Variants in SRBD1 observed in about 807,000 individuals in gnomAD.
SRBD1 encodes S1 RNA binding domain 1.
Under a neutral mutation model 115.3 loss-of-function variants are expected in SRBD1, and 88 were observed. The observed-to-expected ratio is 0.76, with a 90% CI of 0.64 to 0.91. SRBD1 has a LOEUF of 0.91. SRBD1 is among the 40% of genes least tolerant of loss of function. SRBD1 has a pLI of 0.00. For synonymous variants in SRBD1, 509 were observed against 407.7 expected (o/e 1.25, Z -2.99); for missense variants, 1,385 against 1,177.4 (o/e 1.18, Z -2.58).
At chr2:45,580,778 C>T (rs1572802808) in intron 6 of SRBD1, among the ~76,000 whole-genome samples, 8 of 149,822 alleles carry the variant, frequency 5.3e-5, no homozygotes, top group Admixed American at 3.3e-4. Context: ...CTCCTACTCC[C>T]GGGTTCAAGC....
intron 18 of SRBD1, among the ~76,000 whole-genome samples, chr2:45,417,759 G>T (rs775858127): frequency 6.6e-6 from 1 of 152,210 alleles, no homozygotes; most frequent in Non-Finnish European, 1.5e-5. Flanking sequence ...AGTGAGGAGG[G>T]AGTGGGGAAA....
intron 14 of SRBD1, among the ~76,000 whole-genome samples, chr2:45,515,616 T>C (rs1671095657): frequency 6.6e-6 from 1 of 152,120 alleles, no homozygotes; most frequent in Non-Finnish European, 1.5e-5. Flanking sequence ...CTTGGCACTA[T>C]ATTACCTCCT....
chr2:45,414,462 T>TAGTGTGTATATAGTGTGTGTGTAC lies in SRBD1; in HGVS notation c.2334-1193_2334-1170dup, dbSNP rs1333533889. 2.7e-5 allele frequency among the ~76,000 whole-genome samples: 4 copies of TAGTGTGTATATAGTGTGTGTGTAC among 150,254 alleles called. No individual in the cohort carries two copies. In the East Asian group the frequency reaches 5.9e-4, roughly 22 times the overall value. ...CTATATAGTATATATGTAGTATGTA[T>TAGTGTGTATATAGTGTGTGTGTAC]AGTGTGTATATAGTGTGTGTGTACA... is the stretch of plus-strand genomic sequence containing the variant. On this transcript the variant is annotated intron_variant, in intron 18 of 20. Coordinates refer to ENST00000263736, the MANE Select transcript of SRBD1 (RefSeq NM_018079.5).
At chr2:45,488,867 A>C (rs1670204308) in intron 14 of SRBD1, among the ~76,000 whole-genome samples, 1 of 152,182 alleles carries the variant, frequency 6.6e-6, no homozygotes, top group Non-Finnish European at 1.5e-5. Flanking sequence ...CATGAAAAAA[A>C]AAAAGGGATC....
intron 19 of SRBD1, among the ~76,000 whole-genome samples, chr2:45,403,871 C>G (rs13420771): frequency 6.6e-6 from 1 of 152,042 alleles, no homozygotes; most frequent in Non-Finnish European, 1.5e-5. Context: ...GTTCAGTGTT[C>G]CCCATATTCT....
intron 19 of SRBD1, among the ~76,000 whole-genome samples, chr2:45,400,162 T>C (rs1421354201): frequency 2.6e-5 from 4 of 152,168 alleles, no homozygotes; most frequent in African/African-American, 9.7e-5. Flanking sequence ...TTATTCCATT[T>C]AAAGAGTATG....
At chr2:45,403,773 A>C (rs990252374) in intron 19 of SRBD1, among the ~76,000 whole-genome samples, 3 of 152,146 alleles carry the variant, frequency 2.0e-5, no homozygotes, top group Non-Finnish European at 4.4e-5. Context: ...GGGGTACATC[A>C]AAAGCAGCTT....
intron 14 of SRBD1, among the ~76,000 whole-genome samples, chr2:45,501,596 C>T (rs1670632277): frequency 6.6e-6 from 1 of 152,168 alleles, no homozygotes; most frequent in East Asian, 1.9e-4. Flanking sequence ...CACCCTAACA[C>T]CGTGCTTTTC....
intron 16 of SRBD1, among the ~76,000 whole-genome samples, chr2:45,448,596 C>A (rs1668899205): frequency 6.6e-6 from 1 of 152,094 alleles, no homozygotes; most frequent in South Asian, 2.1e-4. Context: ...AAGGCTTGTG[C>A]CCTAACGACC....
At chr2:45,505,508 T>C (rs1216957222) in intron 14 of SRBD1, among the ~76,000 whole-genome samples, 2 of 152,216 alleles carry the variant, frequency 1.3e-5, no homozygotes, top group Non-Finnish European at 2.9e-5. Flanking sequence ...GTCCGTATCC[T>C]GTGTGTATAA....
intron 1 of SRBD1, among the ~76,000 whole-genome samples, chr2:45,606,653 AAGGCCAAGCTGTAAAAAAAAGT>A (rs1284732329): frequency 2.0e-5 from 3 of 152,240 alleles, no homozygotes; most frequent in African/African-American, 7.2e-5. Context: ...ACCAAATTCG[AAGGCCAAGCTGTAAAAAAAAGT>A]TAAGACAAAT....
intron 5 of SRBD1, among the ~76,000 whole-genome samples, chr2:45,584,703 C>T (rs920185929): frequency 5.3e-5 from 8 of 152,138 alleles, no homozygotes; most frequent in African/African-American, 1.9e-4. Context: ...TAAACCCTAT[C>T]GAATAATATG....
intron 14 of SRBD1, among the ~76,000 whole-genome samples, chr2:45,518,175 T>C (rs1671176944): frequency 2.6e-5 from 4 of 152,248 alleles, no homozygotes; most frequent in Non-Finnish European, 4.4e-5. Context: ...ACAATAATCC[T>C]GTAAGTATTA....
chr2:45,564,260 A>G (rs1455265332), intron 9 of SRBD1, among the ~76,000 whole-genome samples: 2 of 152,190 alleles, frequency 1.3e-5, no homozygotes, highest in African/African-American at 4.8e-5. Flanking sequence ...ATGATAAAAA[A>G]CACTCAAAAA....
At chr2:45,405,669 C>T (rs545479366) in intron 19 of SRBD1, among the ~76,000 whole-genome samples, 1 of 152,006 alleles carries the variant, frequency 6.6e-6, no homozygotes, top group South Asian at 2.1e-4. Flanking sequence ...TCTACAGGGC[C>T]AGAGGAGAAA....
chr2:45,495,031 T>C (rs1447620198), intron 14 of SRBD1, among the ~76,000 whole-genome samples: 1 of 151,970 alleles, frequency 6.6e-6, no homozygotes, highest in African/African-American at 2.4e-5. Flanking sequence ...ACACCAAGCC[T>C]GGGAGAAAAT....
chr2:45,396,965 T>A lies in SRBD1; in HGVS notation c.2514-3836A>T, dbSNP rs550549586. ...TGATTTACAACTCCACCAAGAACCA[T>A]GCTATAAGGGCAAAGTACATCTAAT... On this transcript the variant is annotated intron_variant, in intron 19 of 20. Coordinates refer to ENST00000263736, the MANE Select transcript of SRBD1 (RefSeq NM_018079.5). Among the ~76,000 whole-genome samples, 7 of 152,082 alleles carry A rather than the reference T, an allele frequency of 4.6e-5. No homozygotes were observed. In the East Asian group the frequency reaches 1.3e-3, roughly 29 times the overall value.
chr2:45,452,418 T>C (rs1344521747), intron 16 of SRBD1, among the ~76,000 whole-genome samples: 1 of 151,962 alleles, frequency 6.6e-6, no homozygotes, highest in East Asian at 1.9e-4. Context: ...TCTAATAATA[T>C]CCATAATATT....
chr2:45,485,734 A>C (rs1457467164), intron 15 of SRBD1, among the ~76,000 whole-genome samples: 3 of 152,186 alleles, frequency 2.0e-5, no homozygotes, highest in Non-Finnish European at 4.4e-5. Context: ...GCAAACTTTT[A>C]GAGGACTTAA....
Sources: allele counts gnomAD v4.1 joint callset (sites outside exome capture counted in the v4.1 genomes callset), GRCh38; gene constraint gnomAD v4.1.1; transcripts MANE v1.5; gene names NCBI Gene and HGNC (gene_info 2026-07-23, HGNC 2026-07-21).